The following MYH14 variants were observed in gnomAD, a reference collection of about 807,000 sequenced individuals.
The protein encoded by MYH14 is myosin-14.
MYH14 carries 123 observed loss-of-function variants against 255.5 expected under a neutral mutation model. The ratio of observed to expected loss-of-function variants is 0.48; its 90% CI spans 0.42 to 0.56. The LOEUF is 0.56. Among genes scored for constraint, MYH14 ranks in the 20% least tolerant of loss-of-function variants. MYH14 has a pLI of 0.00. For missense variants in MYH14, 2,423 were observed against 2,802.3 expected, an observed-to-expected ratio of 0.86 and a Z score of 3.06; for synonymous variants, 1,095 against 1,161.2, an observed-to-expected ratio of 0.94 and a Z score of 1.16.
At chr19:50,206,321 A>G (rs1411646955) in intron 1 of MYH14, among the ~76,000 whole-genome samples, 1 of 148,906 alleles carries the variant, frequency 6.7e-6, no homozygotes, top group African/African-American at 2.5e-5. Context: ...TCTTGGCTCC[A>G]GGGAGGAGAG....
chr19:50,281,842 G>A lies in MYH14; in HGVS notation c.4539G>A (p.Gln1513=). ...AGAAGAAGCAGCGCAAGTTTGACCA[G>A]GTGGGGCACCTCAGTTCACCCAGCC... is the stretch of plus-strand genomic sequence containing the variant. The part of the protein sequence containing the change: ...TLEKKQRKFD[Q]LLAEEKAAVL... The change falls in exon 33 of 43, where the codon CAG becomes CAA. Residue 1513 remains glutamine, a splice_region_variant and synonymous_variant. Transcript: ENST00000642316. The A allele has an allele frequency of 1.2e-6, 2 of 1,609,212 alleles. No individual in the cohort carries two copies. Among genetic ancestry groups the A allele is most frequent in the Non-Finnish European group, 1.7e-6 (2 of 1,176,944 alleles).
Position 50,225,631 on chromosome 19 carries a change from C to T in MYH14, c.764C>T (p.Ala255Val). 1 of 1,613,886 alleles carries T rather than the reference C, an allele frequency of 6.2e-7. No homozygotes were observed. Among genetic ancestry groups the T allele is most frequent in the Non-Finnish European group, 8.5e-7 (1 of 1,179,934 alleles). The change falls in exon 7 of 43, where the codon GCC (alanine) becomes GTC (valine). Residue 255 changes from alanine (A) to valine (V), a missense_variant. This residue lies in a region of MYH14 where 672 missense variants were observed against 881.8 expected (regional missense o/e 0.76). Transcript: ENST00000642316. ...QLLQANPILEAFGNAKTVKND... is the reference protein window; with the variant it reads ...QLLQANPILEVFGNAKTVKND... ...CTTCAGGCCAACCCCATCCTAGAGG[C>T]CTTTGGCAATGCCAAGACAGTGAAG...
chr19:50,274,334 G>A (rs1369631646), intron 27 of MYH14, among the ~76,000 whole-genome samples: 2 of 151,714 alleles, frequency 1.3e-5, no homozygotes, highest in African/African-American at 2.4e-5. Flanking sequence ...TTGCCCTGTC[G>A]CCCAGGCTGG....
chr19:50,205,670 T>A (rs1338072661), intron 1 of MYH14: 5 of 152,722 alleles, frequency 3.3e-5, no homozygotes, highest in Non-Finnish European at 5.8e-5. Context: ...GGGCCGGCTG[T>A]CCCAGGTCTG....
At chr19:50,224,227 G>C in intron 6 of MYH14, 50 bp downstream of exon 6, 1 of 1,613,270 alleles carries the variant, frequency 6.2e-7, no homozygotes, top group East Asian at 2.2e-5. Flanking sequence ...ATGCCTTCCC[G>C]GCCACCCAAT....
chr19:50,233,817 A>ACCCCCCCCCCCCCCCC (rs1385579013), intron 10 of MYH14, among the ~76,000 whole-genome samples: 15 of 112,014 alleles, frequency 1.3e-4, no homozygotes, highest in African/African-American at 2.4e-4. Context: ...CCTCCCCCCG[A>ACCCCCCCCCCCCCCCC]CCCCCCCGCC....
intron 16 of MYH14, 109 bp from the exon 17 acceptor site, chr19:50,255,111 C>A: frequency 2.7e-6 from 2 of 748,120 alleles, no homozygotes; most frequent in Non-Finnish European, 4.7e-6. Flanking sequence ...ACCCTCTCCT[C>A]TTTTTCTTCC....
In MYH14 at chr19:50,250,036, C is replaced by T. The variant is rs945711240; in HGVS notation, c.1656+213C>T. ...GCCACAGGGCCCGGCTCAAATCAAT[C>T]GGTTAATCAGAGCTCTCACCGTAAC... On this transcript the variant is annotated intron_variant, in intron 14 of 42. Coordinates refer to ENST00000642316, the MANE Select transcript of MYH14 (RefSeq NM_001145809.2). The surrounding 1 kb of genome is among the most constrained non-coding windows in gnomAD (Gnocchi z 5.4). Among the ~76,000 whole-genome samples the T allele has an allele frequency of 1.3e-5, 2 of 152,226 alleles. No homozygotes were observed. Among genetic ancestry groups the T allele is most frequent in the Non-Finnish European group, 2.9e-5 (2 of 68,034 alleles).
intron 5 of MYH14, 152 bp downstream of exon 5, chr19:50,223,501 G>A: frequency 1.5e-6 from 1 of 664,138 alleles, no homozygotes; most frequent in Admixed American, 2.2e-5. Flanking sequence ...CTGGGGTGGG[G>A]CTGGAAGCAG....
chr19:50,211,577 T>A (rs139783801), intron 2 of MYH14, among the ~76,000 whole-genome samples: 281 of 152,320 alleles, frequency 1.8e-3, no homozygotes, highest in African/African-American at 6.4e-3. Context: ...ATAAAGCATC[T>A]GATCCTCATT....
chr19:50,222,735 C>T (rs1375729825), intron 3 of MYH14, among the ~76,000 whole-genome samples: 2 of 152,074 alleles, frequency 1.3e-5, no homozygotes, highest in African/African-American at 2.4e-5. Context: ...TACAGGACCT[C>T]GCTTCTGTCT....
At chr19:50,289,105 C>G (rs1435626882) in intron 34 of MYH14, among the ~76,000 whole-genome samples, 1 of 152,074 alleles carries the variant, frequency 6.6e-6, no homozygotes, top group Non-Finnish European at 1.5e-5. Flanking sequence ...TGAGTGAGCT[C>G]ACAGTGCAAA....
chr19:50,292,482 G>T, intron 37 of MYH14, 93 bp downstream of exon 37: 1 of 1,049,976 alleles, frequency 9.5e-7, no homozygotes, highest in South Asian at 1.9e-5. Context: ...GGGGAGGTGG[G>T]CGGGGCTAAC....
At chr19:50,241,438 GA>G (rs200081076) in intron 10 of MYH14, among the ~76,000 whole-genome samples, 3 of 145,970 alleles carry the variant, frequency 2.1e-5, no homozygotes, top group South Asian at 4.4e-4. Flanking sequence ...TATCTCAAAA[GA>G]AAAAAAAAAG....
rs1326480427 is a variant in MYH14, at chr19:50,266,301, C to T, written c.2695-576C>T. 6.6e-6 allele frequency among the ~76,000 whole-genome samples: 1 copy of T among 152,198 alleles called. No homozygotes were observed. Among genetic ancestry groups the T allele is most frequent in the Admixed American group, 6.6e-5 (1 of 15,252 alleles). On this transcript the variant is annotated intron_variant, in intron 22 of 42. Coordinates refer to ENST00000642316, the MANE Select transcript of MYH14 (RefSeq NM_001145809.2). This position sits in a 1 kb window ranked among gnomAD's most constrained non-coding sequence, Gnocchi z 4.1. ...CTTTGGCCAGGCATGGTGGCTCATG[C>T]CTATATCCCAACACTTTGGGAGGCT... is the stretch of plus-strand genomic sequence containing the variant.
chr19:50,272,722 C>T lies in MYH14; in HGVS notation c.3458C>T (p.Ala1153Val), dbSNP rs774626932. The change falls in exon 27 of 43, where the codon GCC (alanine) becomes GTC (valine). Residue 1153 changes from alanine (A) to valine (V), a missense_variant. By Grantham distance (64) the Ala-to-Val change is moderately conservative. Transcript: ENST00000642316. ...LGRKEEELQA[A>V]LARAEDEGGA... ...CGGAAGGAGGAGGAGCTGCAGGCTG[C>T]CCTGGCCAGGTGCAGGGTGGGGTGG... 7.1e-6 allele frequency: 11 copies of T among 1,550,424 alleles called. No individual in the cohort carries two copies. The South Asian group carries it at 1.2e-4, about 17-fold the overall frequency.
chr19:50,261,648 G>A lies in MYH14; in HGVS notation c.2585+13G>A, dbSNP rs766536081. ...ACCTGGCTCGCAGGTGGGCAGCCAC[G>A]CTGTCTCCCGGGGTCCTGTTGGCCG... On this transcript the variant is annotated intron_variant, in intron 21 of 42. Coordinates refer to ENST00000642316, the MANE Select transcript of MYH14 (RefSeq NM_001145809.2). 23 of 1,585,936 alleles carry A rather than the reference G, an allele frequency of 1.5e-5. No individual in the cohort carries two copies. Among genetic ancestry groups the A allele is most frequent in the South Asian group, 8.0e-5 (7 of 87,792 alleles).
chr19:50,260,748 C>CGG (rs1727403404), intron 20 of MYH14, 33 bp downstream of exon 20: 1 of 1,318,728 alleles, frequency 7.6e-7, no homozygotes. Context: ...TGCGTGTGTG[C>CGG]GTGTGTGTGT....
At chr19:50,261,704 G>A in intron 21 of MYH14, 69 bp downstream of exon 21, 1 of 1,433,472 alleles carries the variant, frequency 7.0e-7, no homozygotes, top group Non-Finnish European at 9.3e-7. Flanking sequence ...TGACCAGATG[G>A]CTCTAGGTGT....
Sources: gnomAD v4.1 joint callset for allele counts (sites outside exome capture counted in the v4.1 genomes callset) on GRCh38, gnomAD v4.1.1 for gene constraint, gnomAD v4.1.1 regional missense constraint, Gnocchi (gnomAD v3.1) non-coding constraint, MANE v1.5 for transcripts, NCBI Gene and HGNC (gene_info 2026-07-23, HGNC 2026-07-21) for gene names.